The following COX7A2L variants were observed in gnomAD, a reference collection of about 807,000 sequenced individuals.
The protein encoded by COX7A2L is cytochrome c oxidase subunit 7A2 like.
A neutral mutation model predicts 14.2 loss-of-function variants in COX7A2L; 18 were observed. The ratio of observed to expected loss-of-function variants is 1.27; its 90% CI spans 0.88 to 1.88. The LOEUF is 1.88. Among genes scored for constraint, COX7A2L ranks in the 40% most tolerant of loss-of-function variants. The probability of loss-of-function intolerance (pLI) is 0.00; values close to 1 mark genes in which losing one functional copy is unlikely to be tolerated. For missense variants in COX7A2L, 179 were observed against 138.8 expected, an observed-to-expected ratio of 1.29 and a Z score of -1.46; for synonymous variants, 65 against 57.4, an observed-to-expected ratio of 1.13 and a Z score of -0.60.
intron 1 of COX7A2L, among the ~76,000 whole-genome samples, chr2:42,354,081 G>C (rs918209962): frequency 6.6e-6 from 1 of 152,150 alleles, no homozygotes; most frequent in Non-Finnish European, 1.5e-5. Flanking sequence ...CTTCAGGTGG[G>C]GGCTTGGGGG....
At chr2:42,359,128 C>G (rs1670932462) in intron 1 of COX7A2L, 2 of 152,150 alleles carry the variant, frequency 1.3e-5, no homozygotes, top group South Asian at 4.1e-4. Context: ...TTTTGAGCAG[C>G]CAGACACGGC....
upstream of COX7A2L, among the ~76,000 whole-genome samples, chr2:42,363,031 C>A (rs1006693538): frequency 6.6e-6 from 1 of 151,892 alleles, no homozygotes; most frequent in African/African-American, 2.4e-5. Flanking sequence ...CGCGCCACCA[C>A]GCCTGGCTAA....
rs939972669 is a variant in COX7A2L at position 42,338,251 on chromosome 2, G to A, written c.193-4382C>T. ...TCGTCTTGCTTCCGGTTGATGTGTC[G>A]TTGGTACTCCTCCTCGGATGCCCTC... is the stretch of plus-strand genomic sequence containing the variant. On this transcript the variant is annotated intron_variant, in intron 2 of 2. Coordinates refer to the COX7A2L transcript ENST00000468711. This position sits in a 1 kb window ranked among gnomAD's most constrained non-coding sequence, Gnocchi z 4.4. Among the ~76,000 whole-genome samples, 4 of 152,186 alleles carry A rather than the reference G, an allele frequency of 2.6e-5. No homozygotes were observed. Among genetic ancestry groups the A allele is most frequent in the Non-Finnish European group, 5.9e-5 (4 of 68,026 alleles).
At chr2:42,364,250 CA>C (rs35151680), upstream of COX7A2L, among the ~76,000 whole-genome samples, 37,325 of 84,896 alleles carry the variant, frequency 0.44, 5,107 homozygotes, top group East Asian at 0.62. Flanking sequence ...GACTCCGTCT[CA>C]AAAAAAAAAA....
At chr2:42,362,742 T>C (rs1671086131), upstream of COX7A2L, among the ~76,000 whole-genome samples, 1 of 152,204 alleles carries the variant, frequency 6.6e-6, no homozygotes, top group Non-Finnish European at 1.5e-5. Flanking sequence ...AGCGAATTCA[T>C]GTAAGCCAGC....
downstream of COX7A2L, among the ~76,000 whole-genome samples, chr2:42,346,759 CAA>C (rs112749411): frequency 2.2e-5 from 3 of 134,312 alleles, no homozygotes; most frequent in Admixed American, 7.5e-5. Context: ...GACCCTGTCT[CAA>C]AAAAAAAAAG....
rs148422720 is a variant in COX7A2L at position 42,367,333 on chromosome 2, G to A, written c.-688+1535C>T. Among the ~76,000 whole-genome samples, 974 of 152,268 alleles carry A rather than the reference G, an allele frequency of 6.4e-3. 7 individuals carry two copies. Among genetic ancestry groups the A allele is most frequent in the Non-Finnish European group, 9.3e-3 (632 of 68,028 alleles). On this transcript the variant is annotated intron_variant, in intron 1 of 3. Transcript: ENST00000378669. ...TGTTCTAAATCAGAGGATTAGCCAC[G>A]TATTACCAGGTAGCAAAGGTACCAG...
In COX7A2L at chr2:42,361,128, A is replaced by C. The variant is rs769006567; in HGVS notation, c.34T>G (p.Leu12Val). ...YYKFSGFTQK[L>V]AGAWASEAYS... The stretch of plus-strand genomic sequence containing the variant: ...GCCTCCGAAGCCCATGCTCCTGCCA[A>C]CTTCTGCGTGAAGCCACTAAACTTG... Residue 12 changes from leucine to valine, a missense_variant, in exon 1 of 3, where the codon TTG becomes GTG. Leu to Val is a conservative substitution (Grantham distance 32). Transcript: ENST00000234301. 5 of 1,613,630 alleles carry C rather than the reference A, an allele frequency of 3.1e-6. No individual in the cohort carries two copies. The highest frequency in any genetic ancestry group is 8.5e-7 in the Non-Finnish European group (1 of 1,179,888).
intron 2 of COX7A2L, among the ~76,000 whole-genome samples, chr2:42,340,340 T>C (rs377049690): frequency 2.6e-5 from 4 of 152,168 alleles, no homozygotes; most frequent in South Asian, 4.1e-4. Flanking sequence ...CGGCTGTCAC[T>C]CCCAGGCCCC....
chr2:42,356,461 G>A (rs1304404065), intron 1 of COX7A2L, among the ~76,000 whole-genome samples: 13 of 152,218 alleles, frequency 8.5e-5, no homozygotes, highest in Admixed American at 8.5e-4. Flanking sequence ...GCAACCGGCA[G>A]AGTAAGCGCA....
At position 42,339,153 on chromosome 2, in the gene COX7A2L, G is replaced by A. The variant is rs1670348305; in HGVS notation, c.193-5284C>T. Among the ~76,000 whole-genome samples, 1 of 152,160 alleles carries A rather than the reference G, an allele frequency of 6.6e-6. No individual in the cohort carries two copies. The highest frequency in any genetic ancestry group is 1.5e-5 in the Non-Finnish European group (1 of 68,030). On this transcript the variant is annotated intron_variant, in intron 2 of 2. Transcript: ENST00000468711. This position sits in a 1 kb window ranked among gnomAD's most constrained non-coding sequence, Gnocchi z 5.4. Reference sequence around the variant, plus strand: ...GGGAAACTCTCACAATAAAATAGAAGGAAGTTTTTTTAATCAAATTTTAGT... The same window carrying A: ...GGGAAACTCTCACAATAAAATAGAAAGAAGTTTTTTTAATCAAATTTTAGT...
At chr2:42,359,023 G>C (rs2103907483) in intron 1 of COX7A2L, 1 of 152,224 alleles carries the variant, frequency 6.6e-6, no homozygotes, top group South Asian at 2.1e-4. Flanking sequence ...AGAATAAACT[G>C]TGATATATTT....
chr2:42,340,133 C>A (rs1264151391), intron 2 of COX7A2L, among the ~76,000 whole-genome samples: 1 of 152,140 alleles, frequency 6.6e-6, no homozygotes, highest in Non-Finnish European at 1.5e-5. Flanking sequence ...AGGCAACCCA[C>A]ATTCTCCAAA....
At chr2:42,361,386 C>A, upstream of COX7A2L, 1 of 494,060 alleles carries the variant, frequency 2.0e-6, no homozygotes, top group South Asian at 2.9e-5. Context: ...TAAGAGAGCA[C>A]GCAAAGTCGC....
At chr2:42,358,878 C>T (rs1670918618) in intron 1 of COX7A2L, among the ~76,000 whole-genome samples, 1 of 151,970 alleles carries the variant, frequency 6.6e-6, no homozygotes, top group South Asian at 2.1e-4. Context: ...CATCTGTAAC[C>T]CCAGCCACTC....
At position 42,340,690 on chromosome 2, in the gene COX7A2L, G is replaced by A. The variant is rs143987139; in HGVS notation, c.193-6821C>T. ...CCTCTAGTGGAAATCACCTACTCACGTGAGGTGCAAGTTCAACAGCGCCCC... is the reference window on the plus strand; with the variant it reads ...CCTCTAGTGGAAATCACCTACTCACATGAGGTGCAAGTTCAACAGCGCCCC... On this transcript the variant is annotated intron_variant, in intron 2 of 2. Transcript: ENST00000468711. 5.1e-3 allele frequency among the ~76,000 whole-genome samples: 769 copies of A among 151,990 alleles called. 13 individuals are homozygous for A. Among genetic ancestry groups the A allele is most frequent in the African/African-American group, 0.018 (727 of 41,442 alleles).
chr2:42,355,717 CTTTTTTTTTTTTT>C lies in COX7A2L; in HGVS notation c.73-2387_73-2375del, dbSNP rs386390054. ...CAGTCACAGTGTAAAATCCTACGTT[CTTTTTTTTTTTTT>C]TTTTTTTTTTTTTGAGACGGAATCT... On this transcript the variant is annotated intron_variant, in intron 1 of 2. Transcript: ENST00000234301. Among the ~76,000 whole-genome samples, 7 of 69,048 alleles carry C rather than the reference CTTTTTTTTTTTTT, an allele frequency of 1.0e-4. 1 individual carries two copies. Among genetic ancestry groups the C allele is most frequent in the African/African-American group, 2.4e-4 (4 of 16,884 alleles). 45.3% of individuals were successfully genotyped at this position (69,048 alleles called of 152,430 possible).
chr2:42,357,578 C>T (rs923707493), intron 1 of COX7A2L, among the ~76,000 whole-genome samples: 2 of 152,058 alleles, frequency 1.3e-5, no homozygotes, highest in East Asian at 1.9e-4. Flanking sequence ...TCCGGAAACA[C>T]TGGGATTACC....
rs369383788 is a variant in COX7A2L at position 42,353,288 on chromosome 2, G to C, written c.128C>G (p.Thr43Ser). The change falls in exon 2 of 3, where the codon ACT becomes AGT. Residue 43 changes from threonine to serine, a missense_variant. Physicochemically the swap from Thr to Ser is moderately conservative, Grantham distance 58 (BLOSUM62 1). Coordinates refer to ENST00000234301, the MANE Select transcript of COX7A2L (RefSeq NM_004718.4). ...CACTGTGGAATCGGAGGTCAGTTTA[G>C]TTGGTGTGGCAAATATGATAGGTGG... ...EAPPIIFATP[T>S]KLTSDSTVYD... is the part of the protein sequence containing the mutation. The C allele has an allele frequency of 2.5e-6, 4 of 1,614,024 alleles. No individual in the cohort carries two copies. Among genetic ancestry groups the C allele is most frequent in the Non-Finnish European group, 3.4e-6 (4 of 1,180,028 alleles).
Sources: gnomAD v4.1 joint callset for allele counts (sites outside exome capture counted in the v4.1 genomes callset) on GRCh38, gnomAD v4.1.1 for gene constraint, Gnocchi (gnomAD v3.1) non-coding constraint, MANE v1.5 for transcripts, NCBI Gene and HGNC (gene_info 2026-07-23, HGNC 2026-07-21) for gene names.